CDC42EP2: variants seen among roughly 807,000 people sequenced by gnomAD.
The protein encoded by CDC42EP2 is CDC42 effector protein (Rho GTPase binding) 2.
In CDC42EP2, 5 loss-of-function variants were observed where a neutral mutation model predicts 7.3. The ratio of observed to expected loss-of-function variants is 0.68; its 90% CI spans 0.36 to 1.44. The LOEUF is 1.44. Among genes scored for constraint, CDC42EP2 ranks in the 40% most tolerant of loss-of-function variants. The probability of loss-of-function intolerance (pLI) is 0.04; values close to 1 mark genes in which losing one functional copy is unlikely to be tolerated. For synonymous variants in CDC42EP2, 113 were observed against 123.6 expected, an observed-to-expected ratio of 0.91 and a Z score of 0.57; for missense variants, 251 against 282.6, an observed-to-expected ratio of 0.89 and a Z score of 0.80.
chr11:65,318,120 G>T (rs1227312724), intron 1 of CDC42EP2, among the ~76,000 whole-genome samples: 1 of 151,480 alleles, frequency 6.6e-6, no homozygotes, highest in Non-Finnish European at 1.5e-5. Context: ...TTTTGAGGCG[G>T]AGTCTCACTC....
At position 65,315,473 on chromosome 11, in the gene CDC42EP2, G is replaced by A. The variant is rs1218537260; in HGVS notation, c.-356+519G>A. ...CCCGAGCTCTGGCCCTGTGCCGAGCGGACACTAGGACATCGCCCAGGCCGG... is the reference window on the plus strand; with the variant it reads ...CCCGAGCTCTGGCCCTGTGCCGAGCAGACACTAGGACATCGCCCAGGCCGG... On this transcript the variant is annotated intron_variant, in intron 1 of 1. Transcript: ENST00000279249. The surrounding 1 kb of genome is among the most constrained non-coding windows in gnomAD (Gnocchi z 4.1). Among the ~76,000 whole-genome samples, 1 of 152,202 alleles carries A rather than the reference G, an allele frequency of 6.6e-6. No homozygotes were observed. The highest frequency in any genetic ancestry group is 1.5e-5 in the Non-Finnish European group (1 of 68,034).
chr11:65,319,531 G>A (rs1949963891), intron 1 of CDC42EP2, among the ~76,000 whole-genome samples: 1 of 152,146 alleles, frequency 6.6e-6, no homozygotes, highest in African/African-American at 2.4e-5. Context: ...ACAGAGCAGA[G>A]GCCCCCTCAA....
intron 1 of CDC42EP2, among the ~76,000 whole-genome samples, chr11:65,319,398 G>C (rs1017920376): frequency 6.6e-6 from 1 of 152,098 alleles, no homozygotes; most frequent in Non-Finnish European, 1.5e-5. Context: ...AAAGTGCTGC[G>C]ATTACAGGTG....
At position 65,321,217 on chromosome 11, in the gene CDC42EP2, G is replaced by T. The variant is rs752537359; in HGVS notation, c.319G>T (p.Ala107Ser). ...CGGCCCATCCCCTCTGCTCAAGAAC[G>T]CCATCTCCCTCCCGGTTATCGGTGG... ...PDGPSPLLKN[A>S]ISLPVIGGPQ... The change falls in exon 2 of 2, where the codon GCC (alanine) becomes TCC (serine). Residue 107 changes from alanine to serine, a missense_variant. Coordinates refer to ENST00000279249, the MANE Select transcript of CDC42EP2 (RefSeq NM_006779.4). This position sits in a 1 kb window ranked among gnomAD's most constrained non-coding sequence, Gnocchi z 4.4. 6.2e-7 allele frequency: 1 copy of T among 1,613,902 alleles called. No homozygotes were observed. The highest frequency in any genetic ancestry group is 1.3e-5 in the African/African-American group (1 of 75,030).
At position 65,315,344 on chromosome 11, in the gene CDC42EP2, G is replaced by A. The variant is rs1267385819; in HGVS notation, c.-356+390G>A. Among the ~76,000 whole-genome samples, 1 of 152,182 alleles carries A rather than the reference G, an allele frequency of 6.6e-6. No homozygotes were observed. Among genetic ancestry groups the A allele is most frequent in the Admixed American group, 6.5e-5 (1 of 15,286 alleles). ...GCCGCGAATGTCCTGAAACGGATCC[G>A]GGCTGGGCTGGGCTCCGCCCGGGTA... On this transcript the variant is annotated intron_variant, in intron 1 of 1. Coordinates refer to ENST00000279249, the MANE Select transcript of CDC42EP2 (RefSeq NM_006779.4). The surrounding 1 kb of genome is among the most constrained non-coding windows in gnomAD (Gnocchi z 4.1).
At position 65,320,835 on chromosome 11, in the gene CDC42EP2, AGAG is replaced by A; in HGVS notation, c.-59_-57del. On this transcript the variant is annotated 5_prime_UTR_variant, in exon 2 of 2. Transcript: ENST00000279249. ...AGTGTTTCCTCTGGCTGAGGGTTGG[AGAG>A]GAGGTGTGGTCTCAGCAGGCGGCCC... 6.6e-7 allele frequency: 1 copy of A among 1,510,422 alleles called. No homozygotes were observed. The highest frequency in any genetic ancestry group is 9.0e-7 in the Non-Finnish European group (1 of 1,114,312). The allele number at this position is 1,510,422 out of a possible 1,614,324, so 93.6% of individuals were successfully genotyped here. A position where few individuals can be genotyped will look rare whatever the true frequency, so the allele number is the denominator to read the frequency against.
Position 65,321,348 on chromosome 11 carries a change from C to G in CDC42EP2, c.450C>G (p.Ile150Met), listed in dbSNP as rs371387646. 5 of 1,613,836 alleles carry G rather than the reference C, an allele frequency of 3.1e-6. No individual in the cohort carries two copies. In the African/African-American group the frequency reaches 4.0e-5, roughly 13 times the overall value. Reference protein sequence around the residue: ...PSPQEGGSVDIWRIPETGSPN... With the variant: ...PSPQEGGSVDMWRIPETGSPN... ...CACAGGAGGGAGGGAGTGTGGACAT[C>G]TGGAGGATTCCAGAGACTGGCTCCC... The change falls in exon 2 of 2, where the codon ATC (isoleucine) becomes ATG (methionine). Residue 150 changes from isoleucine to methionine, a missense_variant. By Grantham distance (10) the Ile-to-Met change is conservative. Transcript: ENST00000279249. The surrounding 1 kb of genome is among the most constrained non-coding windows in gnomAD (Gnocchi z 4.4).
chr11:65,317,206 C>G (rs1949951886), intron 1 of CDC42EP2: 2 of 152,292 alleles, frequency 1.3e-5, no homozygotes, highest in South Asian at 4.1e-4. Context: ...AGAGTCATTC[C>G]TTTGTTTCCT....
intron 1 of CDC42EP2, among the ~76,000 whole-genome samples, chr11:65,316,663 C>A (rs976310499): frequency 2.6e-5 from 4 of 152,158 alleles, no homozygotes; most frequent in Non-Finnish European, 4.4e-5. Context: ...GCCGTAATGA[C>A]CCCACCATGC....
rs1377601391 is a variant in CDC42EP2 at position 65,315,561 on chromosome 11, C to T, written c.-356+607C>T. Among the ~76,000 whole-genome samples the T allele has an allele frequency of 6.6e-6, 1 of 152,256 alleles. No individual in the cohort carries two copies. The highest frequency in any genetic ancestry group is 1.5e-5 in the Non-Finnish European group (1 of 68,038). ...CTAGGGCAGGGTCCCCAATCGCCCC[C>T]TTTTTCCCCGATTGTGGGACCAGAA... On this transcript the variant is annotated intron_variant, in intron 1 of 1. Transcript: ENST00000279249. This position sits in a 1 kb window ranked among gnomAD's most constrained non-coding sequence, Gnocchi z 4.1.
chr11:65,319,056 A>G (rs1409941896), intron 1 of CDC42EP2, among the ~76,000 whole-genome samples: 2 of 150,882 alleles, frequency 1.3e-5, no homozygotes, highest in East Asian at 3.9e-4. Context: ...TCTCTCTGCA[A>G]TGCCCTGTGG....
rs1311540758 is a variant in CDC42EP2, at chr11:65,321,960, G to A, written c.*429G>A. The A allele has an allele frequency of 1.1e-5, 2 of 188,028 alleles. No individual in the cohort carries two copies. Among genetic ancestry groups the A allele is most frequent in the Non-Finnish European group, 2.5e-5 (2 of 79,994 alleles). 11.6% of individuals were successfully genotyped at this position (188,028 alleles called of 1,614,324 possible). A position where few individuals can be genotyped will look rare whatever the true frequency, so the allele number is the denominator to read the frequency against. ...GCTCAGCCACTGAGCAGGCTGTTCC[G>A]GGCCTTTGGCTTTGCATCCTGGACG... On this transcript the variant is annotated 3_prime_UTR_variant, in exon 2 of 2. Transcript: ENST00000279249. This position sits in a 1 kb window ranked among gnomAD's most constrained non-coding sequence, Gnocchi z 4.4.
rs1265431452 is a variant in CDC42EP2 at position 65,315,072 on chromosome 11, GAGGGCTCCT to G, written c.-356+127_-356+135del. 5 of 152,014 alleles carry G rather than the reference GAGGGCTCCT, an allele frequency of 3.3e-5. No homozygotes were observed. Among genetic ancestry groups the G allele is most frequent in the African/African-American group, 7.3e-5 (3 of 41,370 alleles). 9.4% of individuals were successfully genotyped at this position (152,014 alleles called of 1,614,324 possible). A position where few individuals can be genotyped will look rare whatever the true frequency, so the allele number is the denominator to read the frequency against. On this transcript the variant is annotated intron_variant, in intron 1 of 1. Coordinates refer to ENST00000279249, the MANE Select transcript of CDC42EP2 (RefSeq NM_006779.4). This position sits in a 1 kb window ranked among gnomAD's most constrained non-coding sequence, Gnocchi z 4.1. ...CCTCTCACCTCACTCAGTTCCTTTCGAGGGCTCCTAGGGCTCCATGGGGCTTCCCACCCG... is the reference window on the plus strand; with the variant it reads ...CCTCTCACCTCACTCAGTTCCTTTCGAGGGCTCCATGGGGCTTCCCACCCG...
chr11:65,316,632 C>CTGA (rs1949949198), intron 1 of CDC42EP2, among the ~76,000 whole-genome samples: 1 of 152,198 alleles, frequency 6.6e-6, no homozygotes, highest in Non-Finnish European at 1.5e-5. Flanking sequence ...CTCTGAGGTT[C>CTGA]AGCTTCGACT....
At position 65,320,877 on chromosome 11, in the gene CDC42EP2, C is replaced by T. The variant is rs1416242628; in HGVS notation, c.-22C>T. ...AGCAGGCGGCCCGTAGCCTCACAGC[C>T]AGGCCTGGTGGTGAGGTCACCATGT... On this transcript the variant is annotated 5_prime_UTR_variant, in exon 2 of 2. Coordinates refer to ENST00000279249, the MANE Select transcript of CDC42EP2 (RefSeq NM_006779.4). 1.9e-6 allele frequency: 3 copies of T among 1,579,500 alleles called. No individual in the cohort carries two copies. The African/African-American group carries it at 4.0e-5, about 21-fold the overall frequency.
chr11:65,321,652 A>T lies in CDC42EP2; in HGVS notation c.*121A>T. The T allele has an allele frequency of 1.1e-6, 1 of 920,814 alleles. No individual in the cohort carries two copies. Among genetic ancestry groups the T allele is most frequent in the East Asian group, 2.5e-5 (1 of 39,784 alleles). The allele number at this position is 920,814 out of a possible 1,614,324, so 57.0% of individuals were successfully genotyped here. ...CCACCTGTATGGTCGCTGGCCAGTGATTCTCCTTCTGAGCCGTGTTTCCCC... is the reference window on the plus strand; with the variant it reads ...CCACCTGTATGGTCGCTGGCCAGTGTTTCTCCTTCTGAGCCGTGTTTCCCC... On this transcript the variant is annotated 3_prime_UTR_variant, in exon 2 of 2. Transcript: ENST00000279249. The surrounding 1 kb of genome is among the most constrained non-coding windows in gnomAD (Gnocchi z 4.4).
chr11:65,318,215 C>A (rs1242079271), intron 1 of CDC42EP2, among the ~76,000 whole-genome samples: 1 of 151,584 alleles, frequency 6.6e-6, no homozygotes, highest in African/African-American at 2.4e-5. Context: ...TCTGCCTCAG[C>A]CTCCTGAGTA....
chr11:65,321,284 A>C lies in CDC42EP2; in HGVS notation c.386A>C (p.Lys129Thr). 1 of 1,613,846 alleles carries C rather than the reference A, an allele frequency of 6.2e-7. No homozygotes were observed. Among genetic ancestry groups the C allele is most frequent in the Non-Finnish European group, 8.5e-7 (1 of 1,179,948 alleles). Residue 129 changes from lysine (K) to threonine (T), a missense_variant, in exon 2 of 2, where the codon AAG becomes ACG. Coordinates refer to ENST00000279249, the MANE Select transcript of CDC42EP2 (RefSeq NM_006779.4). The surrounding 1 kb of genome is among the most constrained non-coding windows in gnomAD (Gnocchi z 4.4). The stretch of plus-strand genomic sequence containing the variant: ...CTGCCCACAGCCCAGGCTCCACCCA[A>C]GCCCCCTCGCCTGCACCTGGAGACC... ...LTLPTAQAPPKPPRLHLETPQ... is the reference protein window; with the variant it reads ...LTLPTAQAPPTPPRLHLETPQ...
intron 1 of CDC42EP2, among the ~76,000 whole-genome samples, chr11:65,316,383 A>C (rs1949947812): frequency 6.6e-6 from 1 of 152,102 alleles, no homozygotes; most frequent in Non-Finnish European, 1.5e-5. Flanking sequence ...TGGAGACCTC[A>C]TTCTCATATC....
Sources: gnomAD v4.1 joint callset for allele counts (sites outside exome capture counted in the v4.1 genomes callset) on GRCh38, gnomAD v4.1.1 for gene constraint, Gnocchi (gnomAD v3.1) non-coding constraint, MANE v1.5 for transcripts, NCBI Gene and HGNC (gene_info 2026-07-23, HGNC 2026-07-21) for gene names.